DEFB110: variants seen among roughly 807,000 people sequenced by gnomAD.
The protein encoded by DEFB110 is beta-defensin 110.
Under a neutral mutation model 2.5 loss-of-function variants are expected in DEFB110, and 4 were observed. The ratio of observed to expected loss-of-function variants is 1.60; its 90% CI spans 0.79 to 3.66. The LOEUF is 3.66. DEFB110 is among the 30% of genes most tolerant of loss of function. The pLI, the probability that DEFB110 is intolerant of heterozygous loss-of-function variation, is 0.01. For synonymous variants in DEFB110, 29 were observed against 21.8 expected (o/e 1.33, Z -0.92); for missense variants, 94 against 75.4 (o/e 1.25, Z -0.91).
At chr6:50,016,450 T>A (rs1774317348), downstream of DEFB110, among the ~76,000 whole-genome samples, 2 of 151,846 alleles carry the variant, frequency 1.3e-5, no homozygotes, top group African/African-American at 2.4e-5. Flanking sequence ...TTAGAACGAA[T>A]TAGTTTAACA....
chr6:50,021,310 A>C (rs2113944109), intron 1 of DEFB110, among the ~76,000 whole-genome samples: 1 of 152,280 alleles, frequency 6.6e-6, no homozygotes, highest in Admixed American at 6.5e-5. Context: ...CAGTAGTACA[A>C]GTTGTGATGA....
At chr6:50,014,549 T>C (rs1045346265), downstream of DEFB110, among the ~76,000 whole-genome samples, 1 of 151,764 alleles carries the variant, frequency 6.6e-6, no homozygotes, top group African/African-American at 2.4e-5. Context: ...TTCAAACATA[T>C]AAGAAGAAAT....
At chr6:50,014,370 A>C (rs1204317754), downstream of DEFB110, among the ~76,000 whole-genome samples, 1 of 151,778 alleles carries the variant, frequency 6.6e-6, no homozygotes, top group Non-Finnish European at 1.5e-5. Flanking sequence ...GATGAAGAAG[A>C]GAATAAGGCA....
At chr6:50,014,106 C>A (rs1031152018), downstream of DEFB110, among the ~76,000 whole-genome samples, 3 of 151,872 alleles carry the variant, frequency 2.0e-5, no homozygotes, top group Admixed American at 1.3e-4. Flanking sequence ...ACATTGGAGG[C>A]CATTGACATT....
At chr6:50,013,977 C>T (rs1245285701), downstream of DEFB110, among the ~76,000 whole-genome samples, 3 of 151,742 alleles carry the variant, frequency 2.0e-5, no homozygotes, top group African/African-American at 7.3e-5. Flanking sequence ...GTAATAAATA[C>T]TGTTTTGTGG....
intron 1 of DEFB110, 122 bp downstream of exon 1, chr6:50,021,756 TACC>T: frequency 1.1e-6 from 1 of 903,230 alleles, no homozygotes. Flanking sequence ...CAATCTAAAA[TACC>T]ACATTACATT....
At chr6:50,015,408 T>C (rs900685919), downstream of DEFB110, among the ~76,000 whole-genome samples, 1 of 151,752 alleles carries the variant, frequency 6.6e-6, no homozygotes, top group African/African-American at 2.4e-5. Context: ...GGGTAATCAA[T>C]TTGTCAAGAT....
chr6:50,019,422 T>C (rs1453783941), intron 1 of DEFB110, among the ~76,000 whole-genome samples: 1 of 152,118 alleles, frequency 6.6e-6, no homozygotes. Flanking sequence ...TTGGTCAGAC[T>C]CTCTCTCTGC....
At chr6:50,021,409 T>C (rs1275123704) in intron 1 of DEFB110, among the ~76,000 whole-genome samples, 1 of 152,172 alleles carries the variant, frequency 6.6e-6, no homozygotes, top group African/African-American at 2.4e-5. Flanking sequence ...TACTTCGATA[T>C]TTCAATAATT....
At chr6:50,021,328 G>T (rs934267599) in intron 1 of DEFB110, among the ~76,000 whole-genome samples, 1 of 152,114 alleles carries the variant, frequency 6.6e-6, no homozygotes, top group African/African-American at 2.4e-5. Flanking sequence ...TGAGCTAAAA[G>T]GTCTCTAGAC....
chr6:50,013,484 G>T (rs1170951987), intron 1 of DEFB110, among the ~76,000 whole-genome samples: 1 of 151,748 alleles, frequency 6.6e-6, no homozygotes, highest in Admixed American at 6.6e-5. Context: ...AAGCTAAGGA[G>T]TTGAATATTA....
intron 1 of DEFB110, among the ~76,000 whole-genome samples, chr6:50,020,971 T>A (rs1339327226): frequency 6.6e-6 from 1 of 152,176 alleles, no homozygotes; most frequent in Non-Finnish European, 1.5e-5. Context: ...CACCTTGGAC[T>A]GACCCCACCC....
At chr6:50,014,660 A>C (rs760602946), downstream of DEFB110, among the ~76,000 whole-genome samples, 6 of 151,766 alleles carry the variant, frequency 4.0e-5, no homozygotes, top group Non-Finnish European at 8.9e-5. Flanking sequence ...ACCTTTACAA[A>C]TTCTCAGCTC....
chr6:50,021,222 C>A (rs563619106), intron 1 of DEFB110, among the ~76,000 whole-genome samples: 5 of 152,226 alleles, frequency 3.3e-5, no homozygotes, highest in Admixed American at 1.3e-4. Flanking sequence ...TAGGACAATT[C>A]TTTGCTCTAA....
downstream of DEFB110, among the ~76,000 whole-genome samples, chr6:50,017,060 T>A (rs1774331655): frequency 6.6e-6 from 1 of 151,806 alleles, no homozygotes; most frequent in African/African-American, 2.4e-5. Context: ...CTGATTTAGA[T>A]GTCTTGATGG....
At chr6:50,018,645 C>T (rs769030659), downstream of DEFB110, among the ~76,000 whole-genome samples, 37 of 152,072 alleles carry the variant, frequency 2.4e-4, no homozygotes, top group Middle Eastern at 3.4e-3. Context: ...TTACCCAATT[C>T]TTTGACCTAG....
In DEFB110 at chr6:50,018,949, A is replaced by C. The variant is rs956867811; in HGVS notation, c.*28T>G. On this transcript the variant is annotated 3_prime_UTR_variant, in exon 2 of 2. Transcript: ENST00000371148. The stretch of plus-strand genomic sequence containing the variant: ...TAATAACGCTGGTCTCTCTTCTTGG[A>C]GCTTGTGACTCTTTTCTTCTGTCAT... 2 of 1,597,590 alleles carry C rather than the reference A, an allele frequency of 1.3e-6. No homozygotes were observed. The highest frequency in any genetic ancestry group is 1.7e-6 in the Non-Finnish European group (2 of 1,173,178).
intron 1 of DEFB110, among the ~76,000 whole-genome samples, chr6:50,011,948 G>C (rs538448225): frequency 1.3e-5 from 2 of 152,046 alleles, no homozygotes; most frequent in African/African-American, 4.8e-5. Flanking sequence ...TATTTTATTT[G>C]TCATTTTGCT....
rs554813638 is a variant in DEFB110, at chr6:50,009,964, G to A, written c.56-693C>T. Among the ~76,000 whole-genome samples, 37 of 152,114 alleles carry A rather than the reference G, an allele frequency of 2.4e-4. No homozygotes were observed. The South Asian group carries it at 7.0e-3, about 29-fold the overall frequency. Reference sequence around the variant, plus strand: ...ATTCATACATTAAACTATAGTAAAGGGAGGTAAATTATTTTGTTACTTTAA... The same window carrying A: ...ATTCATACATTAAACTATAGTAAAGAGAGGTAAATTATTTTGTTACTTTAA... On this transcript the variant is annotated intron_variant, in intron 1 of 1. Coordinates refer to the DEFB110 transcript ENST00000393660.
Sources: allele counts gnomAD v4.1 joint callset (sites outside exome capture counted in the v4.1 genomes callset), GRCh38; gene constraint gnomAD v4.1.1; transcripts MANE v1.5; gene names NCBI Gene and HGNC (gene_info 2026-07-23, HGNC 2026-07-21).